EEFSEC: variants seen among roughly 807,000 people sequenced by gnomAD.
EEFSEC encodes selenocysteine-specific elongation factor.
Under a neutral mutation model 42.1 loss-of-function variants are expected in EEFSEC, and 43 were observed. That is an observed-to-expected ratio of 1.02 (90% CI 0.80 to 1.32). The LOEUF (loss-of-function observed/expected upper bound fraction) is 1.32. Among genes scored for constraint, EEFSEC ranks in the 40% most tolerant of loss-of-function variants. The pLI, the probability that EEFSEC is intolerant of heterozygous loss-of-function variation, is 0.00. For missense variants in EEFSEC, 745 were observed against 803.6 expected, an observed-to-expected ratio of 0.93 and a Z score of 0.88; for synonymous variants, 354 against 339.1, an observed-to-expected ratio of 1.04 and a Z score of -0.48.
intron 1 of EEFSEC, among the ~76,000 whole-genome samples, chr3:128,181,263 A>G (rs2065402322): frequency 6.6e-6 from 1 of 152,242 alleles, no homozygotes; most frequent in East Asian, 1.9e-4. Context: ...AATACTTGGT[A>G]GAATAACTTT....
At chr3:128,371,179 G>A (rs192632266) in intron 6 of EEFSEC, among the ~76,000 whole-genome samples, 2 of 152,220 alleles carry the variant, frequency 1.3e-5, no homozygotes, top group Admixed American at 6.5e-5. Context: ...TCCAATTGAG[G>A]CCCTGGGGAG....
chr3:128,253,121 C>G (rs1168352336), intron 2 of EEFSEC, among the ~76,000 whole-genome samples: 1 of 152,196 alleles, frequency 6.6e-6, no homozygotes, highest in Non-Finnish European at 1.5e-5. Context: ...AGACACCTGG[C>G]CCAACACACT....
intron 4 of EEFSEC, among the ~76,000 whole-genome samples, chr3:128,323,928 C>T (rs741926): frequency 0.031 from 4,704 of 152,302 alleles, 227 homozygotes; most frequent in African/African-American, 0.1. Flanking sequence ...AGCGCCTCCC[C>T]CCCTGTGGCA....
At chr3:128,309,293 AG>A (rs1336856765) in intron 4 of EEFSEC, among the ~76,000 whole-genome samples, 2 of 152,110 alleles carry the variant, frequency 1.3e-5, no homozygotes, top group Non-Finnish European at 2.9e-5. Flanking sequence ...AAGAGGGCAG[AG>A]GGGAGGCGAT....
At chr3:128,320,683 G>A (rs2066997884) in intron 4 of EEFSEC, among the ~76,000 whole-genome samples, 3 of 152,188 alleles carry the variant, frequency 2.0e-5, no homozygotes, top group Admixed American at 2.0e-4. Context: ...CCCCCTTCTG[G>A]GTGTGGCAGA....
intron 4 of EEFSEC, among the ~76,000 whole-genome samples, chr3:128,266,442 G>C (rs550107579): frequency 6.6e-6 from 1 of 151,990 alleles, no homozygotes. Context: ...CATGAACAGG[G>C]TTCCCCCAAA....
chr3:128,238,579 C>G (rs954515861), intron 1 of EEFSEC, among the ~76,000 whole-genome samples: 1 of 152,214 alleles, frequency 6.6e-6, no homozygotes, highest in Non-Finnish European at 1.5e-5. Flanking sequence ...ATAGTCTCGG[C>G]TCACTGCAGC....
chr3:128,249,607 C>T (rs1414948290), intron 2 of EEFSEC, among the ~76,000 whole-genome samples: 1 of 152,194 alleles, frequency 6.6e-6, no homozygotes, highest in African/African-American at 2.4e-5. Context: ...CTTCCTCCCA[C>T]CCTGGCAACC....
At chr3:128,323,466 A>G (rs2067030078) in intron 4 of EEFSEC, among the ~76,000 whole-genome samples, 2 of 152,162 alleles carry the variant, frequency 1.3e-5, no homozygotes, top group African/African-American at 4.8e-5. Flanking sequence ...AGTGCTGGAA[A>G]CAGCATACCT....
chr3:128,404,072 T>A (rs966957602), intron 6 of EEFSEC, among the ~76,000 whole-genome samples: 1 of 152,248 alleles, frequency 6.6e-6, no homozygotes, highest in Non-Finnish European at 1.5e-5. Flanking sequence ...CCGCAGAGTC[T>A]GGCTGGGTGG....
intron 4 of EEFSEC, among the ~76,000 whole-genome samples, chr3:128,324,395 A>T (rs537102780): frequency 2.6e-5 from 4 of 152,160 alleles, no homozygotes; most frequent in Non-Finnish European, 5.9e-5. Context: ...GGGAAAGAGA[A>T]ACACATCATG....
chr3:128,243,671 G>C (rs997992515), intron 1 of EEFSEC, among the ~76,000 whole-genome samples: 2 of 152,180 alleles, frequency 1.3e-5, no homozygotes, highest in Non-Finnish European at 2.9e-5. Context: ...ACCTGGGGCA[G>C]GTGTTCTGGG....
At chr3:128,327,800 G>A (rs4857841) in intron 4 of EEFSEC, among the ~76,000 whole-genome samples, 64,683 of 152,016 alleles carry the variant, frequency 0.43, 16,392 homozygotes, top group African/African-American at 0.71. Context: ...CCCAGGCTCT[G>A]TACTAGGGAA....
chr3:128,341,244 G>A lies in EEFSEC; in HGVS notation c.798G>A (p.Lys266=), dbSNP rs768634405. 4 of 1,607,582 alleles carry A rather than the reference G, an allele frequency of 2.5e-6. No homozygotes were observed. The Admixed American group carries it at 5.0e-5, about 20-fold the overall frequency. ...VEIPALKVVK[K]VKSMQMFHMP... is the part of the protein sequence containing the mutation. ...TTACTCCCCATCAGGTGGTGAAGAA[G>A]GTGAAGTCCATGCAGATGTTCCACA... The change falls in exon 5 of 7, where the codon AAG becomes AAA. Residue 266 remains lysine, a synonymous_variant. Coordinates refer to ENST00000254730, the MANE Select transcript of EEFSEC (RefSeq NM_021937.5).
intron 4 of EEFSEC, among the ~76,000 whole-genome samples, chr3:128,332,392 T>C (rs1252348452): frequency 6.6e-6 from 1 of 152,234 alleles, no homozygotes; most frequent in African/African-American, 2.4e-5. Context: ...AATATTAGCA[T>C]GATATACTTA....
intron 1 of EEFSEC, among the ~76,000 whole-genome samples, chr3:128,173,971 C>CCGCATT (rs1188096384): frequency 6.6e-6 from 1 of 152,194 alleles, no homozygotes; most frequent in Non-Finnish European, 1.5e-5. Flanking sequence ...CCAGCCCTAT[C>CCGCATT]CGCATTCTCG....
intron 1 of EEFSEC, among the ~76,000 whole-genome samples, chr3:128,242,278 C>A (rs915339612): frequency 2.6e-5 from 4 of 151,932 alleles, no homozygotes; most frequent in African/African-American, 9.7e-5. Flanking sequence ...ATGATTGCAC[C>A]ACTGCACTCC....
chr3:128,262,725 A>C (rs2066311665), intron 3 of EEFSEC, among the ~76,000 whole-genome samples: 1 of 152,176 alleles, frequency 6.6e-6, no homozygotes, highest in Non-Finnish European at 1.5e-5. Flanking sequence ...TTATCTTCGG[A>C]AGCTGTGGGG....
the EEFSEC span, among the ~76,000 whole-genome samples, chr3:128,423,276 C>A: frequency 6.6e-6 from 1 of 152,254 alleles, no homozygotes; most frequent in Admixed American, 6.5e-5. Context: ...TATCTATCTA[C>A]CCATGCAATG....
Sources: gnomAD v4.1 joint callset for allele counts (sites outside exome capture counted in the v4.1 genomes callset) on GRCh38, gnomAD v4.1.1 for gene constraint, MANE v1.5 for transcripts, NCBI Gene and HGNC (gene_info 2026-07-23, HGNC 2026-07-21) for gene names.